Variants in PHF20 observed in about 807,000 individuals in gnomAD.
The protein encoded by PHF20 is glioma-expressed antigen 2.
A neutral mutation model predicts 113.5 loss-of-function variants in PHF20; 23 were observed. The observed-to-expected ratio is 0.20, with a 90% CI of 0.15 to 0.29. The LOEUF (loss-of-function observed/expected upper bound fraction) is 0.29, where lower values mean the gene tolerates loss of function less well. Ranked by LOEUF, PHF20 falls within the 10% of genes least tolerant of loss-of-function variation. The pLI is 1.00. For synonymous variants in PHF20, 434 were observed against 457.3 expected, an observed-to-expected ratio of 0.95 and a Z score of 0.65; for missense variants, 943 against 1,219.6, an observed-to-expected ratio of 0.77 and a Z score of 3.38.
intron 1 of PHF20, among the ~76,000 whole-genome samples, chr20:35,795,857 T>C (rs1378698166): frequency 3.3e-5 from 5 of 152,136 alleles, no homozygotes; most frequent in Non-Finnish European, 7.3e-5. Context: ...TTAATTATTA[T>C]AAATTTTTTT....
chr20:35,783,527 C>T (rs2041343016), intron 1 of PHF20, among the ~76,000 whole-genome samples: 1 of 151,910 alleles, frequency 6.6e-6, no homozygotes, highest in African/African-American at 2.4e-5. Flanking sequence ...AGGGATCCTC[C>T]TGCCTCATCC....
intron 2 of PHF20, among the ~76,000 whole-genome samples, chr20:35,816,800 C>T (rs2425152): frequency 0.38 from 47,305 of 123,452 alleles, 12,674 homozygotes; most frequent in African/African-American, 0.78. Flanking sequence ...TTTTTTTTTT[C>T]TTCTTCTTTG....
At chr20:35,886,249 C>T (rs1452689588) in intron 9 of PHF20, among the ~76,000 whole-genome samples, 34 of 151,650 alleles carry the variant, frequency 2.2e-4, no homozygotes, top group Non-Finnish European at 1.5e-5. Context: ...AGTGATTCTC[C>T]TGCCTCAGCC....
chr20:35,864,453 A>ACACACAC, intron 6 of PHF20, among the ~76,000 whole-genome samples: 2 of 122,296 alleles, frequency 1.6e-5, no homozygotes, highest in African/African-American at 6.5e-5. Context: ...CACACACACA[A>ACACACAC]ATATTTTCAT....
intron 15 of PHF20, among the ~76,000 whole-genome samples, chr20:35,937,769 A>G (rs183633629): frequency 2.0e-5 from 3 of 152,086 alleles, no homozygotes; most frequent in Non-Finnish European, 4.4e-5. Flanking sequence ...AAATACTTTG[A>G]TTTCTTTCAG....
chr20:35,798,273 T>G (rs1464159907), intron 1 of PHF20, among the ~76,000 whole-genome samples: 1 of 151,680 alleles, frequency 6.6e-6, no homozygotes, highest in Non-Finnish European at 1.5e-5. Flanking sequence ...ATTAGCTGGG[T>G]GTGGTGGCTT....
rs765665159 is a variant in PHF20, at chr20:35,871,100, A to T, written c.1068A>T (p.Gln356His). 4.3e-6 allele frequency: 7 copies of T among 1,612,540 alleles called. No individual in the cohort carries two copies. The highest frequency in any genetic ancestry group is 5.9e-6 in the Non-Finnish European group (7 of 1,179,746). Residue 356 changes from glutamine to histidine, a missense_variant, in exon 8 of 18, where the codon CAA (glutamine) becomes CAT (histidine). Coordinates refer to ENST00000374012, the MANE Select transcript of PHF20 (RefSeq NM_016436.5). Reference sequence around the variant, plus strand: ...ATTTGGTTGATACGGATCCTTTGCAAGACACGTTGTCTAGTACCAAGGAAT... The same window carrying T: ...ATTTGGTTGATACGGATCCTTTGCATGACACGTTGTCTAGTACCAAGGAAT... ...VSDLVDTDPLQDTLSSTKESE... is the reference protein window; with the variant it reads ...VSDLVDTDPLHDTLSSTKESE...
chr20:35,860,166 CT>C (rs1237732185), intron 5 of PHF20, among the ~76,000 whole-genome samples: 1 of 151,922 alleles, frequency 6.6e-6, no homozygotes. Flanking sequence ...ATCCGCCCAC[CT>C]TGGACTCCTA....
At chr20:35,841,816 A>G (rs1006147845) in intron 2 of PHF20, among the ~76,000 whole-genome samples, 22 of 152,168 alleles carry the variant, frequency 1.4e-4, no homozygotes, top group Non-Finnish European at 2.6e-4. Flanking sequence ...GTATTCCATT[A>G]TATTGCTTAT....
At chr20:35,944,066 T>G (rs1484153713) in intron 17 of PHF20, among the ~76,000 whole-genome samples, 8 of 152,218 alleles carry the variant, frequency 5.3e-5, no homozygotes, top group Admixed American at 2.0e-4. Context: ...TTAGTGTATT[T>G]GAACAGAATT....
intron 2 of PHF20, among the ~76,000 whole-genome samples, chr20:35,808,980 C>T (rs1261638354): frequency 6.6e-6 from 1 of 151,800 alleles, no homozygotes; most frequent in Non-Finnish European, 1.5e-5. Flanking sequence ...TGGCCAGATG[C>T]AGTGGCTCAT....
chr20:35,889,076 G>A (rs1189351390), intron 9 of PHF20, among the ~76,000 whole-genome samples: 3 of 146,068 alleles, frequency 2.1e-5, no homozygotes, highest in Admixed American at 1.4e-4. Context: ...GAGTGCACTG[G>A]CACAATCTTG....
chr20:35,927,480 G>C (rs534122032), intron 13 of PHF20, among the ~76,000 whole-genome samples: 1 of 152,310 alleles, frequency 6.6e-6, no homozygotes, highest in East Asian at 1.9e-4. Flanking sequence ...CACAGCTAAT[G>C]AGTGTCTGAG....
Position 35,873,466 on chromosome 20 carries a change from G to GTT in PHF20, c.1282+1656_1282+1657dup, listed in dbSNP as rs759056358. Among the ~76,000 whole-genome samples, 110 of 82,322 alleles carry GTT rather than the reference G, an allele frequency of 1.3e-3. 1 individual carries two copies. Among genetic ancestry groups the GTT allele is most frequent in the Non-Finnish European group, 1.8e-3 (76 of 41,828 alleles). 54.0% of individuals were successfully genotyped at this position (82,322 alleles called of 152,430 possible). A position where few individuals can be genotyped will look rare whatever the true frequency, so the allele number is the denominator to read the frequency against. ...TTGGCTGTGTTTTGTCTGTTTTTTT[G>GTT]TTTTTTTTTTTTTTTTTTTTAAGAC... On this transcript the variant is annotated intron_variant, in intron 9 of 17. Transcript: ENST00000374012.
At chr20:35,823,727 TC>T (rs1358248817) in intron 2 of PHF20, among the ~76,000 whole-genome samples, 1 of 151,068 alleles carries the variant, frequency 6.6e-6, no homozygotes, top group African/African-American at 2.4e-5. Flanking sequence ...CCATTTGTAA[TC>T]AGCCTCTCCT....
intron 12 of PHF20, among the ~76,000 whole-genome samples, chr20:35,915,338 T>C (rs114891132): frequency 1.3e-5 from 2 of 150,480 alleles, no homozygotes; most frequent in African/African-American, 4.9e-5. Flanking sequence ...ATATATATAA[T>C]TTATATTTTA....
chr20:35,911,201 C>T (rs1040788822), intron 10 of PHF20, among the ~76,000 whole-genome samples: 3 of 151,972 alleles, frequency 2.0e-5, no homozygotes, highest in Non-Finnish European at 2.9e-5. Flanking sequence ...CTACCACGCC[C>T]GGCTAATTTT....
At chr20:35,911,289 G>A (rs1046756282) in intron 10 of PHF20, among the ~76,000 whole-genome samples, 14 of 151,718 alleles carry the variant, frequency 9.2e-5, no homozygotes, top group East Asian at 3.9e-4. Context: ...TGATCCGCCC[G>A]CCTTGGCCTC....
intron 6 of PHF20, among the ~76,000 whole-genome samples, chr20:35,865,876 C>G (rs1013202158): frequency 6.6e-6 from 1 of 152,062 alleles, no homozygotes; most frequent in Non-Finnish European, 1.5e-5. Flanking sequence ...GAATTTGAGA[C>G]CAGGCTGGCC....
Sources: allele counts gnomAD v4.1 joint callset (sites outside exome capture counted in the v4.1 genomes callset), GRCh38; gene constraint gnomAD v4.1.1; transcripts MANE v1.5; gene names NCBI Gene and HGNC (gene_info 2026-07-23, HGNC 2026-07-21).